The following CMTM3 variants were observed in gnomAD, a reference collection of about 807,000 sequenced individuals.
CMTM3 encodes the protein CKLF-like MARVEL transmembrane domain-containing protein 3.
In CMTM3, 7 loss-of-function variants were observed where a neutral mutation model predicts 18.2. That is an observed-to-expected ratio of 0.38 (90% CI 0.22 to 0.72). The LOEUF is 0.72. CMTM3 is among the 30% of genes least tolerant of loss of function. CMTM3 has a pLI of 0.46. For synonymous variants in CMTM3, 109 were observed against 111.2 expected (o/e 0.98, Z 0.12); for missense variants, 227 against 249.2 (o/e 0.91, Z 0.60).
rs1422687545 is a variant in CMTM3 at position 66,610,833 on chromosome 16, C to T, written c.520+830C>T. On this transcript the variant is annotated intron_variant, in intron 4 of 4. Transcript: ENST00000567572. This position sits in a 1 kb window ranked among gnomAD's most constrained non-coding sequence, Gnocchi z 4.6. ...GGACCAGTAGGTTAGGCTTAAGAGC[C>T]ACTGGTTTCCTAACAGCCAGGTGCT... 2.5e-6 allele frequency: 1 copy of T among 398,524 alleles called. No homozygotes were observed. The highest frequency in any genetic ancestry group is 2.1e-5 in the African/African-American group (1 of 48,626). 24.7% of individuals were successfully genotyped at this position (398,524 alleles called of 1,614,324 possible).
intron 1 of CMTM3, among the ~76,000 whole-genome samples, chr16:66,607,770 G>A (rs1054875761): frequency 1.3e-5 from 2 of 152,128 alleles, no homozygotes; most frequent in Admixed American, 6.5e-5. Flanking sequence ...GGTGGGGTAA[G>A]GTGAGGACTC....
Position 66,605,015 on chromosome 16 carries a change from G to A in CMTM3, c.147+63G>A, listed in dbSNP as rs2015082375. ...TGCGCGGCTCCTTTCGGAGGAGGACGTCGGGGCGCGGGTGGGGTCCGGGGG... is the reference window on the plus strand; with the variant it reads ...TGCGCGGCTCCTTTCGGAGGAGGACATCGGGGCGCGGGTGGGGTCCGGGGG... On this transcript the variant is annotated intron_variant, in intron 1 of 4. Coordinates refer to ENST00000567572, the MANE Select transcript of CMTM3 (RefSeq NM_181553.4). The surrounding 1 kb of genome is among the most constrained non-coding windows in gnomAD (Gnocchi z 4.6). 1 of 1,345,946 alleles carries A rather than the reference G, an allele frequency of 7.4e-7. No individual in the cohort carries two copies. Among genetic ancestry groups the A allele is most frequent in the Non-Finnish European group, 9.5e-7 (1 of 1,047,218 alleles). The allele number at this position is 1,345,946 out of a possible 1,614,324, so 83.4% of individuals were successfully genotyped here.
rs2015093227 is a variant in CMTM3, at chr16:66,605,211, G to A, written c.147+259G>A. On this transcript the variant is annotated intron_variant, in intron 1 of 4. Transcript: ENST00000567572. This position sits in a 1 kb window ranked among gnomAD's most constrained non-coding sequence, Gnocchi z 4.6. ...CCAGAGCTGGGGGCCGTGGGAAGTG[G>A]GTGGGGCCCGGGGATGTGGGTCCTG... 2.8e-6 allele frequency: 1 copy of A among 359,712 alleles called. No homozygotes were observed. The highest frequency in any genetic ancestry group is 5.0e-6 in the Non-Finnish European group (1 of 199,182). The allele number at this position is 359,712 out of a possible 1,614,324, so 22.3% of individuals were successfully genotyped here.
Position 66,609,615 on chromosome 16 carries a change from C to T in CMTM3, c.399+85C>T. ...GTGGGACCTGGGGCAGAGCCTTTCC[C>T]TGCTGGGGCCCCCCTGGGGTCTCAT... is the stretch of plus-strand genomic sequence containing the variant. On this transcript the variant is annotated intron_variant, in intron 3 of 4. Transcript: ENST00000567572. This position sits in a 1 kb window ranked among gnomAD's most constrained non-coding sequence, Gnocchi z 4.4. 6.6e-7 allele frequency: 1 copy of T among 1,518,434 alleles called. No individual in the cohort carries two copies. Among genetic ancestry groups the T allele is most frequent in the Non-Finnish European group, 8.9e-7 (1 of 1,122,202 alleles). 94.1% of individuals were successfully genotyped at this position (1,518,434 alleles called of 1,614,324 possible).
rs1262799751 is a variant in CMTM3, at chr16:66,609,623, G to GC, written c.399+99dup. On this transcript the variant is annotated intron_variant, in intron 3 of 4. Transcript: ENST00000567572. The surrounding 1 kb of genome is among the most constrained non-coding windows in gnomAD (Gnocchi z 4.4). ...TGGGGCAGAGCCTTTCCCTGCTGGG[G>GC]CCCCCCTGGGGTCTCATGTGGGTCC... The GC allele has an allele frequency of 7.9e-6, 12 of 1,512,930 alleles. No homozygotes were observed. The highest frequency in any genetic ancestry group is 1.4e-5 in the African/African-American group (1 of 72,410). The allele number at this position is 1,512,930 out of a possible 1,614,324, so 93.7% of individuals were successfully genotyped here.
chr16:66,609,805 T>C lies in CMTM3; in HGVS notation c.400-78T>C. ...GCTGTTTGTCCAAGCAGATCTGAAA[T>C]GGGCCGTGAGGCTGGGGCAGCAGCC... is the stretch of plus-strand genomic sequence containing the variant. On this transcript the variant is annotated intron_variant, in intron 3 of 4. Transcript: ENST00000567572. The surrounding 1 kb of genome is among the most constrained non-coding windows in gnomAD (Gnocchi z 4.4). 1 of 1,613,958 alleles carries C rather than the reference T, an allele frequency of 6.2e-7. No homozygotes were observed.
chr16:66,613,125 C>G lies in CMTM3; in HGVS notation c.*488C>G, dbSNP rs1027804555. ...CACCAGCCACTTTGGTGACAATGAC[C>G]CTTCCAAGAATCTTTGGTTCAAGGA... On this transcript the variant is annotated 3_prime_UTR_variant, in exon 5 of 5. Transcript: ENST00000567572. 1.4e-6 allele frequency: 1 copy of G among 702,902 alleles called. No individual in the cohort carries two copies. The highest frequency in any genetic ancestry group is 2.6e-6 in the Non-Finnish European group (1 of 385,014). 43.5% of individuals were successfully genotyped at this position (702,902 alleles called of 1,614,324 possible). A position where few individuals can be genotyped will look rare whatever the true frequency, so the allele number is the denominator to read the frequency against.
Position 66,605,020 on chromosome 16 carries a change from G to C in CMTM3, c.147+68G>C. The C allele has an allele frequency of 7.5e-7, 1 of 1,326,584 alleles. No homozygotes were observed. Among genetic ancestry groups the C allele is most frequent in the East Asian group, 3.2e-5 (1 of 31,456 alleles). 82.2% of individuals were successfully genotyped at this position (1,326,584 alleles called of 1,614,324 possible). Reference sequence around the variant, plus strand: ...GGCTCCTTTCGGAGGAGGACGTCGGGGCGCGGGTGGGGTCCGGGGGCGGCC... The same window carrying C: ...GGCTCCTTTCGGAGGAGGACGTCGGCGCGCGGGTGGGGTCCGGGGGCGGCC... On this transcript the variant is annotated intron_variant, in intron 1 of 4. Transcript: ENST00000567572. This position sits in a 1 kb window ranked among gnomAD's most constrained non-coding sequence, Gnocchi z 4.6.
In CMTM3 at chr16:66,608,214, A is replaced by G; in HGVS notation, c.148-95A>G. ...TGAGCAGTTGGCTTCCCCTGCTGGA[A>G]CCTCCTCTATCCTGACCACAGGGCC... On this transcript the variant is annotated intron_variant, in intron 1 of 4. Coordinates refer to ENST00000567572, the MANE Select transcript of CMTM3 (RefSeq NM_181553.4). The surrounding 1 kb of genome is among the most constrained non-coding windows in gnomAD (Gnocchi z 5.1). 7.1e-7 allele frequency: 1 copy of G among 1,400,786 alleles called. No homozygotes were observed. Among genetic ancestry groups the G allele is most frequent in the Non-Finnish European group, 9.8e-7 (1 of 1,016,418 alleles). 86.8% of individuals were successfully genotyped at this position (1,400,786 alleles called of 1,614,324 possible). A position where few individuals can be genotyped will look rare whatever the true frequency, so the allele number is the denominator to read the frequency against.
Position 66,610,843 on chromosome 16 carries a change from C to T in CMTM3, c.520+840C>T. ...GTTAGGCTTAAGAGCCACTGGTTTCCTAACAGCCAGGTGCTGGGGCCATGG... is the reference window on the plus strand; with the variant it reads ...GTTAGGCTTAAGAGCCACTGGTTTCTTAACAGCCAGGTGCTGGGGCCATGG... On this transcript the variant is annotated intron_variant, in intron 4 of 4. Coordinates refer to ENST00000567572, the MANE Select transcript of CMTM3 (RefSeq NM_181553.4). This position sits in a 1 kb window ranked among gnomAD's most constrained non-coding sequence, Gnocchi z 4.6. The T allele has an allele frequency of 2.5e-6, 1 of 398,620 alleles. No individual in the cohort carries two copies. Among genetic ancestry groups the T allele is most frequent in the East Asian group, 3.6e-5 (1 of 28,066 alleles). The allele number at this position is 398,620 out of a possible 1,614,324, so 24.7% of individuals were successfully genotyped here.
chr16:66,607,510 A>G (rs1318032646), intron 1 of CMTM3, among the ~76,000 whole-genome samples: 1 of 152,240 alleles, frequency 6.6e-6, no homozygotes, highest in Non-Finnish European at 1.5e-5. Flanking sequence ...TTATCTTTTA[A>G]CACAAAATAA....
intron 1 of CMTM3, among the ~76,000 whole-genome samples, chr16:66,607,378 CT>C (rs1033958301): frequency 1.5e-4 from 23 of 152,234 alleles, no homozygotes; most frequent in South Asian, 4.1e-4. Context: ...GCAGCAGGGC[CT>C]GAGGTGTCAG....
chr16:66,612,469 T>C lies in CMTM3; in HGVS notation c.521-140T>C. The C allele has an allele frequency of 1.3e-6, 1 of 779,974 alleles. No individual in the cohort carries two copies. Among genetic ancestry groups the C allele is most frequent in the Non-Finnish European group, 2.1e-6 (1 of 477,904 alleles). 48.3% of individuals were successfully genotyped at this position (779,974 alleles called of 1,614,324 possible). On this transcript the variant is annotated intron_variant, in intron 4 of 4. Coordinates refer to ENST00000567572, the MANE Select transcript of CMTM3 (RefSeq NM_181553.4). This position sits in a 1 kb window ranked among gnomAD's most constrained non-coding sequence, Gnocchi z 6.0. ...CCGCGGCCTGCCCTGATGCCAGCGA[T>C]CACTGGGAACGGTAGAGTCAGCTGC...
In CMTM3 at chr16:66,608,695, C is replaced by A. The variant is rs566314014; in HGVS notation, c.303+231C>A. On this transcript the variant is annotated intron_variant, in intron 2 of 4. Coordinates refer to ENST00000567572, the MANE Select transcript of CMTM3 (RefSeq NM_181553.4). This position sits in a 1 kb window ranked among gnomAD's most constrained non-coding sequence, Gnocchi z 5.1. ...AGAGCAGGTCTGTGAGGCAGGGAAC[C>A]CGGAGAGGGGTCTCTGGCCACCAGG... Among the ~76,000 whole-genome samples, 1 of 152,292 alleles carries A rather than the reference C, an allele frequency of 6.6e-6. No homozygotes were observed. Among genetic ancestry groups the A allele is most frequent in the South Asian group, 2.1e-4 (1 of 4,832 alleles).
Position 66,604,790 on chromosome 16 carries a change from T to TACCGCC in CMTM3, c.-15_-10dup. On this transcript the variant is annotated 5_prime_UTR_variant, in exon 1 of 5. Coordinates refer to ENST00000567572, the MANE Select transcript of CMTM3 (RefSeq NM_181553.4). The stretch of plus-strand genomic sequence containing the variant: ...GGGGAGCCAGGCCGAGCCCCGGCCC[T>TACCGCC]ACCGCCGCCGCCGCCATGTGGCCCC... 1 of 1,245,950 alleles carries TACCGCC rather than the reference T, an allele frequency of 8.0e-7. No homozygotes were observed. The highest frequency in any genetic ancestry group is 3.4e-5 in the South Asian group (1 of 29,678). The allele number at this position is 1,245,950 out of a possible 1,614,324, so 77.2% of individuals were successfully genotyped here. A position where few individuals can be genotyped will look rare whatever the true frequency, so the allele number is the denominator to read the frequency against.
Position 66,604,861 on chromosome 16 carries a change from G to T in CMTM3, c.56G>T (p.Arg19Leu). ...DPDPEPAGGS[R>L]PGPAVPGLRA... Reference sequence around the variant, plus strand: ...GACCCCGAGCCTGCCGGCGGCTCCCGTCCCGGCCCCGCGGTCCCCGGGCTC... The same window carrying T: ...GACCCCGAGCCTGCCGGCGGCTCCCTTCCCGGCCCCGCGGTCCCCGGGCTC... Residue 19 changes from arginine to leucine, a missense_variant, in exon 1 of 5, where the codon CGT (arginine) becomes CTT (leucine). Physicochemically the swap from Arg to Leu is moderately radical, Grantham distance 102. Transcript: ENST00000567572. The T allele has an allele frequency of 3.6e-6, 5 of 1,394,980 alleles. No individual in the cohort carries two copies. Among genetic ancestry groups the T allele is most frequent in the Non-Finnish European group, 4.6e-6 (5 of 1,078,456 alleles). 86.4% of individuals were successfully genotyped at this position (1,394,980 alleles called of 1,614,324 possible).
At chr16:66,606,088 G>T (rs757496774) in intron 1 of CMTM3, among the ~76,000 whole-genome samples, 6 of 152,200 alleles carry the variant, frequency 3.9e-5, no homozygotes, top group African/African-American at 1.4e-4. Flanking sequence ...GAGCATAGAG[G>T]CCACCCTGGG....
chr16:66,613,149 G>A lies in CMTM3; in HGVS notation c.*512G>A, dbSNP rs879838456. On this transcript the variant is annotated 3_prime_UTR_variant, in exon 5 of 5. Coordinates refer to ENST00000567572, the MANE Select transcript of CMTM3 (RefSeq NM_181553.4). ...CCCTTCCAAGAATCTTTGGTTCAAG[G>A]AGCACCAGTTCCCTCTTCATTCTTG... 25 of 702,818 alleles carry A rather than the reference G, an allele frequency of 3.6e-5. No individual in the cohort carries two copies. The highest frequency in any genetic ancestry group is 6.0e-5 in the Non-Finnish European group (23 of 385,004). The allele number at this position is 702,818 out of a possible 1,614,324, so 43.5% of individuals were successfully genotyped here.
At chr16:66,611,173 C>G in intron 4 of CMTM3, 1 of 261,140 alleles carries the variant, frequency 3.8e-6, no homozygotes, top group East Asian at 6.4e-5. Context: ...AATATAGCAG[C>G]CAGGCACAGT....
Sources: gnomAD v4.1 joint callset for allele counts (sites outside exome capture counted in the v4.1 genomes callset) on GRCh38, gnomAD v4.1.1 for gene constraint, Gnocchi (gnomAD v3.1) non-coding constraint, MANE v1.5 for transcripts, NCBI Gene and HGNC (gene_info 2026-07-23, HGNC 2026-07-21) for gene names.